Variants in ANKS1B observed in about 807,000 individuals in gnomAD.
ANKS1B encodes the protein ankyrin repeat and sterile alpha motif domain containing 1B.
Under a neutral mutation model 148.3 loss-of-function variants are expected in ANKS1B, and 36 were observed. That is an observed-to-expected ratio of 0.24 (90% CI 0.19 to 0.32). The LOEUF (loss-of-function observed/expected upper bound fraction) is 0.32. Ranked by LOEUF, ANKS1B falls within the 10% of genes least tolerant of loss-of-function variation. The pLI is 1.00. For synonymous variants in ANKS1B, 542 were observed against 560.8 expected, an observed-to-expected ratio of 0.97 and a Z score of 0.47; for missense variants, 1,157 against 1,542.6, an observed-to-expected ratio of 0.75 and a Z score of 4.19.
At chr12:99,592,164 C>G (rs2097709296) in intron 9 of ANKS1B, among the ~76,000 whole-genome samples, 1 of 151,994 alleles carries the variant, frequency 6.6e-6, no homozygotes, top group Non-Finnish European at 1.5e-5. Flanking sequence ...TTTTCTCTAT[C>G]TGGGTAATTT....
In ANKS1B at chr12:98,884,784, C is replaced by T. The variant is rs370132555; in HGVS notation, c.2779-52648G>A. ...ACTGCAGTCCGCAGTCCGACCTGGG[C>T]GACAGAGCGAGACTCCGTCTCAAAA... On this transcript the variant is annotated intron_variant, in intron 17 of 26. Coordinates refer to ENST00000683438, the MANE Select transcript of ANKS1B (RefSeq NM_001352186.2). Among the ~76,000 whole-genome samples the T allele has an allele frequency of 3.2e-4, 42 of 131,842 alleles. No individual in the cohort carries two copies. The East Asian group carries it at 6.9e-3, about 22-fold the overall frequency. 86.5% of individuals were successfully genotyped at this position (131,842 alleles called of 152,430 possible). A position where few individuals can be genotyped will look rare whatever the true frequency, so the allele number is the denominator to read the frequency against.
chr12:99,294,873 A>C (rs2080625555), intron 12 of ANKS1B, among the ~76,000 whole-genome samples: 1 of 152,110 alleles, frequency 6.6e-6, no homozygotes, highest in Admixed American at 6.6e-5. Context: ...GGCTGGTCTC[A>C]ATCTCCTGAT....
intron 14 of ANKS1B, among the ~76,000 whole-genome samples, chr12:99,229,309 A>G (rs566631267): frequency 4.4e-4 from 67 of 152,006 alleles, no homozygotes; most frequent in Non-Finnish European, 8.3e-4. Flanking sequence ...GAATTAGTGT[A>G]ATTTCTTTTT....
chr12:99,669,589 G>C (rs1045421783), intron 8 of ANKS1B, among the ~76,000 whole-genome samples: 2 of 151,984 alleles, frequency 1.3e-5, no homozygotes, highest in African/African-American at 4.8e-5. Context: ...AATGATTGTT[G>C]GCCTTGTGTG....
intron 9 of ANKS1B, among the ~76,000 whole-genome samples, chr12:99,543,835 T>C (rs2097149333): frequency 6.6e-6 from 1 of 151,978 alleles, no homozygotes; most frequent in Non-Finnish European, 1.5e-5. Context: ...AACTTAGTGG[T>C]AGAAAAAAGG....
At chr12:98,963,711 A>G (rs1423978125) in intron 17 of ANKS1B, among the ~76,000 whole-genome samples, 1 of 152,216 alleles carries the variant, frequency 6.6e-6, no homozygotes, top group African/African-American at 2.4e-5. Context: ...TAAAGTGAAG[A>G]GACAGCCCAT....
At chr12:99,251,910 T>A (rs1429306247) in intron 12 of ANKS1B, among the ~76,000 whole-genome samples, 1 of 152,176 alleles carries the variant, frequency 6.6e-6, no homozygotes, top group Non-Finnish European at 1.5e-5. Context: ...GTATATCAGG[T>A]GGCAAAGTTT....
intron 8 of ANKS1B, among the ~76,000 whole-genome samples, chr12:99,758,812 G>C (rs1317786099): frequency 6.6e-6 from 1 of 151,840 alleles, no homozygotes; most frequent in Non-Finnish European, 1.5e-5. Context: ...AGTTAGTGAG[G>C]ATGATAATTA....
At chr12:99,558,946 T>C (rs535224028) in intron 9 of ANKS1B, among the ~76,000 whole-genome samples, 2 of 152,242 alleles carry the variant, frequency 1.3e-5, no homozygotes, top group East Asian at 1.9e-4. Flanking sequence ...TTGTGGGGTG[T>C]CCTGCTGCTA....
chr12:99,695,278 T>C (rs1331195523), intron 8 of ANKS1B, among the ~76,000 whole-genome samples: 3 of 152,328 alleles, frequency 2.0e-5, no homozygotes, highest in South Asian at 2.1e-4. Flanking sequence ...GATACAAATA[T>C]AGCAAAACTT....
Position 99,347,333 on chromosome 12 carries a change from T to C in ANKS1B, c.1756+52298A>G, listed in dbSNP as rs536609717. The stretch of plus-strand genomic sequence containing the variant: ...GGGGGAGTAAGGGCTTTGAGAAGCT[T>C]CCACATATTCCCAGGTATCTAGAAG... On this transcript the variant is annotated intron_variant, in intron 12 of 26. Transcript: ENST00000683438. Among the ~76,000 whole-genome samples, 4 of 152,064 alleles carry C rather than the reference T, an allele frequency of 2.6e-5. No homozygotes were observed. In the East Asian group the frequency reaches 7.8e-4, roughly 29 times the overall value.
intron 12 of ANKS1B, among the ~76,000 whole-genome samples, chr12:99,273,600 G>A (rs113318179): frequency 8.6e-4 from 104 of 120,390 alleles, no homozygotes; most frequent in African/African-American, 3.6e-3. Context: ...TTTTTGAGAC[G>A]GAGTCTTGCT....
intron 8 of ANKS1B, among the ~76,000 whole-genome samples, chr12:99,759,420 C>T (rs1328760865): frequency 6.6e-6 from 1 of 151,884 alleles, no homozygotes; most frequent in African/African-American, 2.4e-5. Flanking sequence ...TAGTTGTGGC[C>T]CAAATGGTCT....
intron 14 of ANKS1B, chr12:99,155,131 A>G (rs2075861050): frequency 1.3e-6 from 2 of 1,489,770 alleles, no homozygotes; most frequent in Non-Finnish European, 1.8e-6. Context: ...AAAAGACACC[A>G]GGAAATGCGA....
chr12:98,747,900 T>C (rs1298004197), intron 26 of ANKS1B, among the ~76,000 whole-genome samples: 1 of 152,100 alleles, frequency 6.6e-6, no homozygotes, highest in Non-Finnish European at 1.5e-5. Flanking sequence ...CTATAAAAAG[T>C]GGATCTCATG....
chr12:98,774,951 G>A (rs2098654032), intron 24 of ANKS1B, among the ~76,000 whole-genome samples: 1 of 152,208 alleles, frequency 6.6e-6, no homozygotes. Context: ...AGAAGGTGAT[G>A]ATCCTCTTCT....
intron 9 of ANKS1B, among the ~76,000 whole-genome samples, chr12:99,541,746 T>G (rs904170862): frequency 3.3e-5 from 5 of 151,918 alleles, no homozygotes; most frequent in Non-Finnish European, 5.9e-5. Context: ...TCACAGCTAC[T>G]TGGGAGGCTG....
At chr12:98,869,896 C>T (rs1465061531) in intron 17 of ANKS1B, among the ~76,000 whole-genome samples, 2 of 152,114 alleles carry the variant, frequency 1.3e-5, no homozygotes, top group East Asian at 1.9e-4. Flanking sequence ...GATAATAAAA[C>T]CTTCTGTTTC....
At chr12:99,249,060 TCA>T (rs879842868) in intron 12 of ANKS1B, among the ~76,000 whole-genome samples, 26 of 152,166 alleles carry the variant, frequency 1.7e-4, no homozygotes, top group Non-Finnish European at 3.5e-4. Flanking sequence ...TACTTGGATC[TCA>T]CAGAGTGCTT....
Sources: allele counts gnomAD v4.1 joint callset (sites outside exome capture counted in the v4.1 genomes callset), GRCh38; gene constraint gnomAD v4.1.1; transcripts MANE v1.5; gene names NCBI Gene and HGNC (gene_info 2026-07-23, HGNC 2026-07-21).